CENPC: variants seen among roughly 807,000 people sequenced by gnomAD.
CENPC encodes the protein CENP-C 1.
CENPC carries 63 observed loss-of-function variants against 112.1 expected under a neutral mutation model. The observed-to-expected ratio is 0.56, with a 90% CI of 0.46 to 0.69. The LOEUF (loss-of-function observed/expected upper bound fraction) is 0.69, where lower values mean the gene tolerates loss of function less well. CENPC is among the 30% of genes least tolerant of loss of function. CENPC has a pLI of 0.00. For missense variants in CENPC, 1,000 were observed against 1,103.8 expected, an observed-to-expected ratio of 0.91 and a Z score of 1.33; for synonymous variants, 333 against 367.6, an observed-to-expected ratio of 0.91 and a Z score of 1.08.
intron 4 of CENPC, among the ~76,000 whole-genome samples, chr4:67,536,783 GA>G (rs1036526805): frequency 4.0e-4 from 60 of 150,906 alleles, no homozygotes; most frequent in Non-Finnish European, 6.9e-4. Flanking sequence ...ATAAAATTAA[GA>G]AAAAAATAAT....
At chr4:67,480,179 A>C (rs11724698) in intron 17 of CENPC, among the ~76,000 whole-genome samples, 95,134 of 151,896 alleles carry the variant, frequency 0.63, 30,014 homozygotes, top group East Asian at 0.81. Flanking sequence ...ATTAGCCAGA[A>C]TTGGTGGCGC....
chr4:67,508,208 G>A (rs894312269), intron 10 of CENPC, among the ~76,000 whole-genome samples: 4 of 152,066 alleles, frequency 2.6e-5, no homozygotes, highest in African/African-American at 9.7e-5. Context: ...ACTTAAAAAA[G>A]ATTAAGACAG....
chr4:67,527,061 A>C (rs553811324), intron 5 of CENPC, among the ~76,000 whole-genome samples: 18 of 152,334 alleles, frequency 1.2e-4, no homozygotes, highest in African/African-American at 4.3e-4. Context: ...AAAGATATTT[A>C]AAAATACATC....
rs200117195 is a variant in CENPC, at chr4:67,529,914, AAAGT to A, written c.331+897_331+900del. 3.8e-3 allele frequency among the ~76,000 whole-genome samples: 571 copies of A among 152,252 alleles called. 20 individuals are homozygous for A. In the East Asian group the frequency reaches 0.1, roughly 27 times the overall value. On this transcript the variant is annotated intron_variant, in intron 5 of 18. Coordinates refer to ENST00000273853, the MANE Select transcript of CENPC (RefSeq NM_001812.4). ...GAAAAAACAAATATATCAAAATTCA[AAAGT>A]ATGTTGAATGTTATGTGAGATTTAA...
intron 9 of CENPC, among the ~76,000 whole-genome samples, chr4:67,511,586 T>G (rs1725892993): frequency 6.6e-6 from 1 of 152,178 alleles, no homozygotes; most frequent in African/African-American, 2.4e-5. Context: ...ATTTCCTAAT[T>G]GGCAAACGTG....
intron 4 of CENPC, among the ~76,000 whole-genome samples, chr4:67,536,107 A>T (rs559547945): frequency 2.5e-4 from 38 of 152,178 alleles, no homozygotes; most frequent in Non-Finnish European, 5.1e-4. Context: ...TGAAAATGTT[A>T]ATGACAGAAA....
chr4:67,511,123 T>G, intron 9 of CENPC: 1 of 450,096 alleles, frequency 2.2e-6, no homozygotes, highest in Non-Finnish European at 4.5e-6. Flanking sequence ...ATTTAAACCT[T>G]ATAAAAACTC....
At chr4:67,523,109 T>C (rs983467468) in intron 5 of CENPC, among the ~76,000 whole-genome samples, 10 of 151,992 alleles carry the variant, frequency 6.6e-5, no homozygotes, top group Non-Finnish European at 1.3e-4. Context: ...GTCAGGACTT[T>C]AAGACTGGCA....
intron 17 of CENPC, among the ~76,000 whole-genome samples, chr4:67,481,009 C>T (rs917989346): frequency 1.3e-5 from 2 of 152,148 alleles, no homozygotes; most frequent in African/African-American, 2.4e-5. Context: ...CAAACTGTTG[C>T]TGTTTGCCAA....
At chr4:67,480,014 A>G (rs1413816351) in intron 17 of CENPC, among the ~76,000 whole-genome samples, 1 of 152,218 alleles carries the variant, frequency 6.6e-6, no homozygotes, top group Non-Finnish European at 1.5e-5. Context: ...TAATAAAAGA[A>G]TTGTCAACAA....
intron 8 of CENPC, among the ~76,000 whole-genome samples, chr4:67,513,157 C>G (rs1271017583): frequency 6.6e-6 from 1 of 152,042 alleles, no homozygotes. Context: ...TAGGTAGTTT[C>G]AAGAGGGTGG....
Position 67,540,047 on chromosome 4 carries a change from A to AC in CENPC, c.137-114dup. On this transcript the variant is annotated intron_variant, in intron 3 of 18. Transcript: ENST00000273853. ...AGAACCATCTGTTGACTCACTGACC[A>AC]CAATTAGCTTAAATCAAGTAGAGAC... 4 of 529,738 alleles carry AC rather than the reference A, an allele frequency of 7.6e-6. No individual in the cohort carries two copies. The South Asian group carries it at 1.2e-4, about 17-fold the overall frequency. 32.8% of individuals were successfully genotyped at this position (529,738 alleles called of 1,614,324 possible).
intron 17 of CENPC, among the ~76,000 whole-genome samples, chr4:67,489,736 A>G (rs1725187680): frequency 6.6e-6 from 1 of 152,142 alleles, no homozygotes; most frequent in South Asian, 2.1e-4. Context: ...TAAGTAAAGA[A>G]CATTCCTTAA....
Position 67,519,334 on chromosome 4 carries a change from G to A in CENPC, c.500C>T (p.Thr167Ile). The change falls in exon 6 of 19, where the codon ACA (threonine) becomes ATA (isoleucine). Residue 167 changes from threonine (T) to isoleucine (I), a missense_variant. Thr to Ile is a moderately conservative substitution (Grantham distance 89). Coordinates refer to ENST00000273853, the MANE Select transcript of CENPC (RefSeq NM_001812.4). ...TGGAATAACATTTTGTGATACAGAT[G>A]TTTTTGCATCCAAAAGAACAGAAGG... is the stretch of plus-strand genomic sequence containing the variant. The part of the protein sequence containing the change: ...GSPSVLLDAK[T>I]SVSQNVIPSS... 6.2e-7 allele frequency: 1 copy of A among 1,612,840 alleles called. No homozygotes were observed.
At chr4:67,502,606 A>G (rs1725621776) in intron 12 of CENPC, among the ~76,000 whole-genome samples, 1 of 152,218 alleles carries the variant, frequency 6.6e-6, no homozygotes, top group Non-Finnish European at 1.5e-5. Flanking sequence ...AGACAGTTGC[A>G]GTGGGAACAC....
chr4:67,494,044 G>C (rs1165859945), intron 13 of CENPC, 56 bp from the exon 14 acceptor site: 13 of 984,814 alleles, frequency 1.3e-5, no homozygotes, highest in Non-Finnish European at 1.9e-5. Flanking sequence ...ATGGTACTTA[G>C]CAGTGGAAAG....
At chr4:67,500,404 G>A (rs1725561430) in intron 12 of CENPC, among the ~76,000 whole-genome samples, 1 of 152,186 alleles carries the variant, frequency 6.6e-6, no homozygotes, top group South Asian at 2.1e-4. Flanking sequence ...CACTGAGAAA[G>A]ACTAGAAGCA....
At chr4:67,543,011 C>T (rs1206939027) in intron 2 of CENPC, among the ~76,000 whole-genome samples, 1 of 152,160 alleles carries the variant, frequency 6.6e-6, no homozygotes, top group African/African-American at 2.4e-5. Flanking sequence ...ATAAAAGCAC[C>T]TCCACCATGT....
In CENPC at chr4:67,492,235, A is replaced by G; in HGVS notation, c.2460T>C (p.Asp820=). 1 of 1,569,146 alleles carries G rather than the reference A, an allele frequency of 6.4e-7. No individual in the cohort carries two copies. Among genetic ancestry groups the G allele is most frequent in the Non-Finnish European group, 8.7e-7 (1 of 1,154,918 alleles). ...CCTTTACCCTCGTTGGCTGCAAAGGATCTCCAAGAGGTATACCTAGATTTA... is the reference window on the plus strand; with the variant it reads ...CCTTTACCCTCGTTGGCTGCAAAGGGTCTCCAAGAGGTATACCTAGATTTA... ...LMVNLGIPLG[D]PLQPTRVKDP... Residue 820 remains aspartate (D), a synonymous_variant, in exon 16 of 19, where the codon GAT becomes GAC. Transcript: ENST00000273853.
Sources: allele counts gnomAD v4.1 joint callset (sites outside exome capture counted in the v4.1 genomes callset), GRCh38; gene constraint gnomAD v4.1.1; transcripts MANE v1.5; gene names NCBI Gene and HGNC (gene_info 2026-07-23, HGNC 2026-07-21).